The following PLXDC1 variants were observed in gnomAD, a reference collection of about 807,000 sequenced individuals.
PLXDC1 encodes plexin domain-containing protein 1.
A neutral mutation model predicts 61.3 loss-of-function variants in PLXDC1; 39 were observed. The ratio of observed to expected loss-of-function variants is 0.64; its 90% confidence interval spans 0.49 to 0.83. PLXDC1 has a LOEUF of 0.83. Ranked by LOEUF, PLXDC1 falls within the 40% of genes least tolerant of loss-of-function variation. PLXDC1 has a pLI of 0.00. For missense variants in PLXDC1, 596 were observed against 666.5 expected (o/e 0.89, Z 1.17); for synonymous variants, 212 against 254.5 (o/e 0.83, Z 1.59).
At chr17:39,085,343 G>C (rs559225522) in intron 8 of PLXDC1, among the ~76,000 whole-genome samples, 110 of 152,356 alleles carry the variant, frequency 7.2e-4, no homozygotes, top group African/African-American at 2.6e-3. Context: ...GAAAGAAGCA[G>C]GGGCTGCCCT....
In PLXDC1 at chr17:39,069,927, C is replaced by T. The variant is rs1909048956; in HGVS notation, c.1312G>A (p.Ala438Thr). ...VGIVLAVLLV[A>T]AIILAGIYIN... is the part of the protein sequence containing the mutation. ...TAAATTCCAGCCAGGATGATGGCCG[C>T]CACGAGGAGGACTGCCAGCACGATG... Residue 438 changes from alanine (A) to threonine (T), a missense_variant, in exon 13 of 14, where the codon GCG becomes ACG. Physicochemically the swap from Ala to Thr is moderately conservative, Grantham distance 58. Coordinates refer to ENST00000315392, the MANE Select transcript of PLXDC1 (RefSeq NM_020405.5). The T allele has an allele frequency of 6.2e-7, 1 of 1,613,384 alleles. No homozygotes were observed. The highest frequency in any genetic ancestry group is 1.3e-5 in the African/African-American group (1 of 74,890).
chr17:39,132,590 C>T (rs1911601858), intron 2 of PLXDC1, among the ~76,000 whole-genome samples: 2 of 152,272 alleles, frequency 1.3e-5, no homozygotes, highest in South Asian at 2.1e-4. Flanking sequence ...CTAGACGCCT[C>T]GAGGCCTCCA....
intron 7 of PLXDC1, among the ~76,000 whole-genome samples, chr17:39,093,922 T>C (rs11079075): frequency 0.51 from 76,679 of 151,822 alleles, 19,626 homozygotes; most frequent in East Asian, 0.64. Flanking sequence ...GGCGAGGGGT[T>C]CACAGAGCCC....
intron 2 of PLXDC1, among the ~76,000 whole-genome samples, chr17:39,123,415 C>T (rs937566019): frequency 3.3e-5 from 5 of 152,092 alleles, no homozygotes; most frequent in Non-Finnish European, 5.9e-5. Flanking sequence ...GTCTCGAACT[C>T]CTGACCTTAG....
At chr17:39,146,662 G>A (rs951874241) in intron 1 of PLXDC1, among the ~76,000 whole-genome samples, 20 of 150,684 alleles carry the variant, frequency 1.3e-4, no homozygotes, top group Admixed American at 6.6e-5. Context: ...AATAAAAAAA[G>A]GTATTATAAA....
At chr17:39,109,770 G>A (rs369360503) in intron 2 of PLXDC1, among the ~76,000 whole-genome samples, 1 of 152,188 alleles carries the variant, frequency 6.6e-6, no homozygotes, top group Non-Finnish European at 1.5e-5. Flanking sequence ...GCCTCAAACC[G>A]GGCCCTTGTT....
intron 7 of PLXDC1, among the ~76,000 whole-genome samples, chr17:39,095,274 A>G (rs924144247): frequency 2.6e-5 from 4 of 151,606 alleles, no homozygotes; most frequent in Non-Finnish European, 5.9e-5. Flanking sequence ...CTCTAATTGA[A>G]ACTATTTGCT....
Position 39,139,688 on chromosome 17 carries a change from A to G in PLXDC1, c.221T>C (p.Met74Thr), listed in dbSNP as rs1447132626. The change falls in exon 2 of 14, where the codon ATG (methionine) becomes ACG (threonine). Residue 74 changes from methionine to threonine, a missense_variant. Transcript: ENST00000315392. The stretch of plus-strand genomic sequence containing the variant: ...GGTCCTGTTATCTGGCAGCGTGTCC[A>G]TGGCCAGGGTGCCCCCACCCAGGTC... Reference protein sequence around the residue: ...SQDLGGGTLAMDTLPDNRTRV... With the variant: ...SQDLGGGTLATDTLPDNRTRV... 8.1e-6 allele frequency: 13 copies of G among 1,611,020 alleles called. No individual in the cohort carries two copies. Among genetic ancestry groups the G allele is most frequent in the Non-Finnish European group, 1.1e-5 (13 of 1,179,134 alleles).
chr17:39,133,265 C>A (rs1911622305), intron 2 of PLXDC1, among the ~76,000 whole-genome samples: 1 of 152,122 alleles, frequency 6.6e-6, no homozygotes, highest in Non-Finnish European at 1.5e-5. Context: ...CCACCCAGAA[C>A]AAGGCCTAAC....
chr17:39,078,893 C>T (rs1186381229), intron 10 of PLXDC1, among the ~76,000 whole-genome samples: 2 of 152,320 alleles, frequency 1.3e-5, no homozygotes, highest in South Asian at 2.1e-4. Flanking sequence ...TCAGAATGCT[C>T]GTCTCAGAGA....
chr17:39,142,126 C>A (rs1443267590), intron 1 of PLXDC1, among the ~76,000 whole-genome samples: 4 of 152,198 alleles, frequency 2.6e-5, no homozygotes, highest in Non-Finnish European at 4.4e-5. Context: ...TCCTCCCCAT[C>A]CCAAGCTGTG....
rs779316420 is a variant in PLXDC1, at chr17:39,105,853, C to T, written c.811+1G>A. 3 of 1,607,910 alleles carry T rather than the reference C, an allele frequency of 1.9e-6. No individual in the cohort carries two copies. The South Asian group carries it at 3.3e-5, about 18-fold the overall frequency. ...CCTCTGCGGGGTCCCTGAAGACTCA[C>T]CTGGCACATCCGGGGATGGATTGAG... On this transcript the variant is annotated splice_donor_variant, in intron 7 of 13. Transcript: ENST00000315392. LOFTEE classifies it high-confidence loss of function.
intron 7 of PLXDC1, among the ~76,000 whole-genome samples, chr17:39,101,653 C>A (rs1416170303): frequency 6.6e-6 from 1 of 152,142 alleles, no homozygotes; most frequent in Non-Finnish European, 1.5e-5. Context: ...GGGCGCTTTG[C>A]CCTCAAGCCA....
At chr17:39,087,741 C>T (rs189209748) in intron 7 of PLXDC1, 39 bp from the exon 8 acceptor site, 3 of 1,498,036 alleles carry the variant, frequency 2.0e-6, no homozygotes, top group East Asian at 2.3e-5. Flanking sequence ...GAGCATATCA[C>T]AGGCAGAGGG....
intron 10 of PLXDC1, 34 bp downstream of exon 10, chr17:39,079,070 C>T (rs1386644117): frequency 1.3e-6 from 2 of 1,580,938 alleles, no homozygotes; most frequent in East Asian, 4.5e-5. Flanking sequence ...CACCACCTGG[C>T]ACAGGAGTTG....
At chr17:39,135,414 C>T (rs1373071590) in intron 2 of PLXDC1, among the ~76,000 whole-genome samples, 6 of 152,158 alleles carry the variant, frequency 3.9e-5, no homozygotes, top group African/African-American at 9.7e-5. Flanking sequence ...TGGTGGCTCC[C>T]GCCTGTAATC....
At chr17:39,121,051 G>A (rs1911148000) in intron 2 of PLXDC1, among the ~76,000 whole-genome samples, 3 of 151,800 alleles carry the variant, frequency 2.0e-5, no homozygotes. Context: ...ATGTTGCCCA[G>A]TCTGGTCTCA....
intron 7 of PLXDC1, among the ~76,000 whole-genome samples, chr17:39,104,841 CA>C (rs1301370689): frequency 7.2e-5 from 11 of 152,226 alleles, no homozygotes; most frequent in Non-Finnish European, 2.9e-5. Flanking sequence ...CCTTCCTCTT[CA>C]CTGTATCTCA....
At chr17:39,085,459 G>A (rs1037925953) in intron 8 of PLXDC1, among the ~76,000 whole-genome samples, 1 of 152,258 alleles carries the variant, frequency 6.6e-6, no homozygotes, top group Non-Finnish European at 1.5e-5. Flanking sequence ...AAGTGCTCTT[G>A]TTATCCCCAT....
Sources: allele counts gnomAD v4.1 joint callset (sites outside exome capture counted in the v4.1 genomes callset), GRCh38; gene constraint gnomAD v4.1.1; transcripts MANE v1.5; gene names NCBI Gene and HGNC (gene_info 2026-07-23, HGNC 2026-07-21).